Variants in ZCCHC4 observed in about 807,000 individuals in gnomAD.
ZCCHC4 encodes the protein zinc finger CCHC-type containing 4.
ZCCHC4 carries 54 observed loss-of-function variants against 67.7 expected under a neutral mutation model. The ratio of observed to expected loss-of-function variants is 0.80; its 90% CI spans 0.64 to 1.00. The LOEUF (loss-of-function observed/expected upper bound fraction) is 1.00. Among genes scored for constraint, ZCCHC4 ranks in the 50% least tolerant of loss-of-function variants. ZCCHC4 has a pLI of 0.00. For synonymous variants in ZCCHC4, 198 were observed against 213.5 expected (o/e 0.93, Z 0.63); for missense variants, 609 against 617.0 (o/e 0.99, Z 0.14).
rs760398549 is a variant in ZCCHC4, at chr4:25,334,005, C to T, written c.686+17C>T. 6.0e-6 allele frequency: 9 copies of T among 1,511,766 alleles called. No homozygotes were observed. Among genetic ancestry groups the T allele is most frequent in the Admixed American group, 2.0e-5 (1 of 49,346 alleles). 93.6% of individuals were successfully genotyped at this position (1,511,766 alleles called of 1,614,324 possible). A position where few individuals can be genotyped will look rare whatever the true frequency, so the allele number is the denominator to read the frequency against. ...TGATTTTCGGTAGGTTTACAAAATA[C>T]AGTATTTCCTTTCATTGTCTCCTGT... On this transcript the variant is annotated intron_variant, in intron 5 of 12. Transcript: ENST00000302874.
At chr4:25,362,144 G>C (rs982680662) in intron 9 of ZCCHC4, 82 bp from the exon 10 acceptor site, 17 of 1,457,922 alleles carry the variant, frequency 1.2e-5, no homozygotes, top group Non-Finnish European at 1.6e-5. Context: ...CCCAGTTTTT[G>C]TAATGAGTGC....
chr4:25,326,218 C>T (rs183652165), intron 3 of ZCCHC4, among the ~76,000 whole-genome samples: 31 of 152,326 alleles, frequency 2.0e-4, no homozygotes, highest in Admixed American at 1.4e-3. Context: ...GGCTGTGGCC[C>T]GTGCTCCGTT....
At chr4:25,364,928 A>G (rs1051021944) in intron 11 of ZCCHC4, 94 bp from the exon 12 acceptor site, 4 of 1,539,688 alleles carry the variant, frequency 2.6e-6, no homozygotes, top group Middle Eastern at 1.7e-4. Context: ...CAATACTTCA[A>G]GTAAACACTG....
chr4:25,312,863 G>T lies in ZCCHC4; in HGVS notation c.54G>T (p.Gly18=). Residue 18 remains glycine, a synonymous_variant, in exon 1 of 13, where the codon GGG becomes GGT. Coordinates refer to ENST00000302874, the MANE Select transcript of ZCCHC4 (RefSeq NM_024936.3). ...FEAVEAEGSA[G]CRGSSGMEVV... ...CCGTGGAGGCAGAGGGCAGCGCAGG[G>T]TGCCGGGGAAGCTCGGGAATGGAGG... 1 of 1,613,182 alleles carries T rather than the reference G, an allele frequency of 6.2e-7. No individual in the cohort carries two copies. Among genetic ancestry groups the T allele is most frequent in the Middle Eastern group, 1.9e-4 (1 of 5,272 alleles).
At chr4:25,334,202 C>T (rs1050430090) in intron 5 of ZCCHC4, among the ~76,000 whole-genome samples, 1 of 152,070 alleles carries the variant, frequency 6.6e-6, no homozygotes, top group Admixed American at 6.5e-5. Context: ...GGTGGGCTTC[C>T]TAGATTTTCT....
In ZCCHC4 at chr4:25,351,645, C is replaced by T. The variant is rs182505131; in HGVS notation, c.967C>T (p.Arg323Ter). 7.7e-5 allele frequency: 124 copies of T among 1,611,944 alleles called. No individual in the cohort carries two copies. Among genetic ancestry groups the T allele is most frequent in the Non-Finnish European group, 9.4e-5 (111 of 1,179,094 alleles). Reference protein sequence around the residue: ...FWIFPYFFESRICQFFPSFQM... With the variant: ...FWIFPYFFES ...GATTTTCCCCTATTTTTTTGAATCC[C>T]GAATTTGTCAGTTTTTTCCAAGCTT... The change falls in exon 8 of 13, where the codon CGA becomes TGA. Residue 323 changes from arginine (R) to a stop codon, truncating the protein, a stop_gained. Coordinates refer to ENST00000302874, the MANE Select transcript of ZCCHC4 (RefSeq NM_024936.3). LOFTEE classifies it high-confidence loss of function.
chr4:25,334,849 T>C (rs112295861), intron 5 of ZCCHC4, among the ~76,000 whole-genome samples: 3 of 152,072 alleles, frequency 2.0e-5, no homozygotes, highest in African/African-American at 7.2e-5. Flanking sequence ...TTTTTTTTTT[T>C]TCCTCTTAGA....
At chr4:25,355,329 G>A (rs1426153726) in intron 8 of ZCCHC4, among the ~76,000 whole-genome samples, 1 of 152,206 alleles carries the variant, frequency 6.6e-6, no homozygotes, top group African/African-American at 2.4e-5. Context: ...TGGTAGATAA[G>A]TTTCTCTTTT....
At chr4:25,352,537 T>C (rs1720350679) in intron 8 of ZCCHC4, 1 of 332,406 alleles carries the variant, frequency 3.0e-6, no homozygotes, top group South Asian at 1.2e-4. Context: ...GCCTCCTGAG[T>C]AGCTGGGACT....
Position 25,362,235 on chromosome 4 carries a change from TC to T in ZCCHC4, c.1145del (p.Pro382ArgfsTer8), listed in dbSNP as rs1289510793. 6.2e-7 allele frequency: 1 copy of T among 1,610,970 alleles called. No individual in the cohort carries two copies. Among genetic ancestry groups the T allele is most frequent in the South Asian group, 1.1e-5 (1 of 90,496 alleles). On this transcript the variant is annotated frameshift_variant, in exon 10 of 13. Coordinates refer to ENST00000302874, the MANE Select transcript of ZCCHC4 (RefSeq NM_024936.3). LOFTEE classifies it high-confidence loss of function. ...PTEEGYRFCS[P>X]CQRYVSLENQ... ...CTGTCCTTTACTCTAGATTTTGCTC[TC>T]CGTGTCAACGGTATGTTTCTCTAGA...
chr4:25,350,945 C>T (rs1560412574), intron 7 of ZCCHC4, among the ~76,000 whole-genome samples: 2 of 152,146 alleles, frequency 1.3e-5, no homozygotes, highest in Non-Finnish European at 2.9e-5. Context: ...GGAGACAGTA[C>T]ATAGAATGTA....
At chr4:25,341,181 T>C (rs545700012) in intron 5 of ZCCHC4, among the ~76,000 whole-genome samples, 85 of 152,234 alleles carry the variant, frequency 5.6e-4, no homozygotes, top group African/African-American at 2.0e-3. Flanking sequence ...ACACAAAATA[T>C]GTGTTAATTG....
chr4:25,333,462 T>C lies in ZCCHC4; in HGVS notation c.605+4T>C. 4 of 1,612,568 alleles carry C rather than the reference T, an allele frequency of 2.5e-6. No individual in the cohort carries two copies. The highest frequency in any genetic ancestry group is 3.4e-6 in the Non-Finnish European group (4 of 1,179,148). ...TACTGTGTGTTGGAACACCAAGGTA[T>C]GTCATGTGATTTTTTAAAGAATTAT... On this transcript the variant is annotated splice_donor_region_variant and intron_variant, in intron 4 of 12. Transcript: ENST00000302874.
intron 3 of ZCCHC4, among the ~76,000 whole-genome samples, chr4:25,327,155 A>T (rs6813100): frequency 3.3e-5 from 5 of 151,928 alleles, no homozygotes; most frequent in Non-Finnish European, 4.4e-5. Flanking sequence ...TTTAATGTTT[A>T]CTTTCCAATT....
intron 3 of ZCCHC4, among the ~76,000 whole-genome samples, chr4:25,316,506 C>T (rs1234996583): frequency 6.6e-6 from 1 of 152,216 alleles, no homozygotes; most frequent in African/African-American, 2.4e-5. Flanking sequence ...CTGATTACAA[C>T]CATCCTAGTA....
At chr4:25,365,417 T>C in intron 12 of ZCCHC4, 1 of 1,252,714 alleles carries the variant, frequency 8.0e-7, no homozygotes, top group Non-Finnish European at 1.0e-6. Flanking sequence ...TGGTTAATTT[T>C]ACCTCTCCTT....
rs939559150 is a variant in ZCCHC4 at position 25,344,366 on chromosome 4, A to G, written c.687-1182A>G. Among the ~76,000 whole-genome samples the G allele has an allele frequency of 3.3e-5, 5 of 151,176 alleles. No homozygotes were observed. The South Asian group carries it at 6.3e-4, about 19-fold the overall frequency. On this transcript the variant is annotated intron_variant, in intron 5 of 12. Transcript: ENST00000302874. Reference sequence around the variant, plus strand: ...TCTCAGTAAACTATCGCAAGGACAAAAAACCAAACACCGCATGTTCTCACT... The same window carrying G: ...TCTCAGTAAACTATCGCAAGGACAAGAAACCAAACACCGCATGTTCTCACT...
At chr4:25,332,750 A>G (rs983800938) in intron 3 of ZCCHC4, among the ~76,000 whole-genome samples, 1 of 152,344 alleles carries the variant, frequency 6.6e-6, no homozygotes, top group Non-Finnish European at 1.5e-5. Context: ...CTTGCTAAGT[A>G]TGTCATAAGA....
chr4:25,364,256 C>T (rs1055784646), intron 10 of ZCCHC4, among the ~76,000 whole-genome samples, 198 bp from the exon 11 acceptor site: 1 of 152,012 alleles, frequency 6.6e-6, no homozygotes, highest in African/African-American at 2.4e-5. Context: ...AATTGAGGCC[C>T]ATCAAGGAGG....
Sources: allele counts gnomAD v4.1 joint callset (sites outside exome capture counted in the v4.1 genomes callset), GRCh38; gene constraint gnomAD v4.1.1; transcripts MANE v1.5; gene names NCBI Gene and HGNC (gene_info 2026-07-23, HGNC 2026-07-21).